The following ZNF512B variants were observed in gnomAD, a reference collection of about 807,000 sequenced individuals.
ZNF512B encodes the protein zinc finger protein 512B.
A neutral mutation model predicts 87.8 loss-of-function variants in ZNF512B; 22 were observed. The observed-to-expected ratio is 0.25, with a 90% CI of 0.18 to 0.36. The LOEUF is 0.36. Ranked by LOEUF, ZNF512B falls within the 10% of genes least tolerant of loss-of-function variation. The pLI, the probability that ZNF512B is intolerant of heterozygous loss-of-function variation, is 1.00. For synonymous variants in ZNF512B, 524 were observed against 490.9 expected (o/e 1.07, Z -0.89); for missense variants, 1,060 against 1,231.6 (o/e 0.86, Z 2.09).
Position 63,967,508 on chromosome 20 carries a change from C to T in ZNF512B, c.137G>A (p.Arg46His), listed in dbSNP as rs367567220. The T allele has an allele frequency of 6.9e-6, 11 of 1,604,090 alleles. No homozygotes were observed. The highest frequency in any genetic ancestry group is 3.3e-4 in the Middle Eastern group (2 of 6,018). ...CTGGCCGGGCACTGTCTGTCCACCA[C>T]GGACCACCGGCATCCCTGCAGCACA... ...DPPKMGMPVV[R>H]GGQTVPGQAP... The change falls in exon 3 of 17, where the codon CGT becomes CAT. Residue 46 changes from arginine (R) to histidine (H), a missense_variant. This residue lies in a region of ZNF512B where 134 missense variants were observed against 153.6 expected (regional missense o/e 0.87). Transcript: ENST00000369888.
Position 63,959,447 on chromosome 20 carries a change from G to A in ZNF512B, c.*441C>T, listed in dbSNP as rs959520634. The A allele has an allele frequency of 2.2e-5, 4 of 180,566 alleles. No homozygotes were observed. Among genetic ancestry groups the A allele is most frequent in the African/African-American group, 4.7e-5 (2 of 42,322 alleles). The allele number at this position is 180,566 out of a possible 1,614,324, so 11.2% of individuals were successfully genotyped here. A position where few individuals can be genotyped will look rare whatever the true frequency, so the allele number is the denominator to read the frequency against. ...GGTGAGGCCAGGATGGTGGCTGCCC[G>A]TGCCAGGTTGCTCAGGTGCCCTCAC... is the stretch of plus-strand genomic sequence containing the variant. On this transcript the variant is annotated 3_prime_UTR_variant, in exon 17 of 17. Coordinates refer to ENST00000369888, the MANE Select transcript of ZNF512B (RefSeq NM_020713.3).
chr20:63,964,390 T>G lies in ZNF512B; in HGVS notation c.1263A>C (p.Arg421Ser). The change falls in exon 7 of 17, where the codon AGA (arginine) becomes AGC (serine). Residue 421 changes from arginine (R) to serine (S), a missense_variant and splice_region_variant. By Grantham distance (110) the Arg-to-Ser change is moderately radical (BLOSUM62 -1). This residue lies in a region of ZNF512B where 212 missense variants were observed against 207.6 expected (regional missense o/e 1.02). Transcript: ENST00000369888. ...ACTTTTTGGGTGTTTTCTGTTTCCT[T>G]CCTGACTCGGGGAGAGAAAACGGGG... ...PEEDPERTKH[R>S]RKQKTPKKFT... The G allele has an allele frequency of 1.2e-6, 2 of 1,613,814 alleles. No individual in the cohort carries two copies. Among genetic ancestry groups the G allele is most frequent in the Non-Finnish European group, 8.5e-7 (1 of 1,179,878 alleles).
chr20:63,966,859 G>A lies in ZNF512B; in HGVS notation c.393+17C>T, dbSNP rs531866998. ...CACACCCCGAGGCCTCCTCTCCCCC[G>A]ACCCACAGTCCCTTACCCCTTGGCA... is the stretch of plus-strand genomic sequence containing the variant. On this transcript the variant is annotated intron_variant, in intron 4 of 16. Transcript: ENST00000369888. 7.4e-6 allele frequency: 12 copies of A among 1,613,598 alleles called. No homozygotes were observed. The East Asian group carries it at 8.9e-5, about 12-fold the overall frequency.
At chr20:63,968,626 G>A (rs753672271) in intron 1 of ZNF512B, among the ~76,000 whole-genome samples, 17 of 152,338 alleles carry the variant, frequency 1.1e-4, no homozygotes, top group Non-Finnish European at 1.5e-4. Context: ...TCCCGTCCCT[G>A]TGCCGGCTGA....
chr20:63,963,567 G>C (rs1424420146), intron 10 of ZNF512B, 51 bp downstream of exon 10: 14 of 1,604,212 alleles, frequency 8.7e-6, no homozygotes, highest in Non-Finnish European at 1.1e-5. Flanking sequence ...GGTGAAGGTG[G>C]GGTGCGAGGT....
chr20:63,963,963 C>T lies in ZNF512B; in HGVS notation c.1481-50G>A, dbSNP rs113249719. 4.8e-5 allele frequency: 77 copies of T among 1,600,990 alleles called. No homozygotes were observed. In the African/African-American group the frequency reaches 8.5e-4, roughly 18 times the overall value. Reference sequence around the variant, plus strand: ...AGGCTTGTGGGGGCTGCTGGGTGGCCCAGACGCCAGGCACAGAATCCAGTC... The same window carrying T: ...AGGCTTGTGGGGGCTGCTGGGTGGCTCAGACGCCAGGCACAGAATCCAGTC... On this transcript the variant is annotated intron_variant, in intron 8 of 16. Transcript: ENST00000369888.
chr20:63,960,468 G>A (rs2058838169), intron 16 of ZNF512B, among the ~76,000 whole-genome samples: 1 of 148,522 alleles, frequency 6.7e-6, no homozygotes, highest in African/African-American at 2.5e-5. Flanking sequence ...CCTGCAGCAG[G>A]GGGCTGGACA....
At position 63,961,276 on chromosome 20, in the gene ZNF512B, C is replaced by T. The variant is rs761125398; in HGVS notation, c.2427+33G>A. On this transcript the variant is annotated intron_variant, in intron 16 of 16. Coordinates refer to ENST00000369888, the MANE Select transcript of ZNF512B (RefSeq NM_020713.3). The surrounding 1 kb of genome is among the most constrained non-coding windows in gnomAD (Gnocchi z 6.4). ...AGCCCTGTCCCCTCCTGGGCTAGCC[C>T]CCAGCCACAGGCCCTGGTGATGGCC... 4 of 1,605,050 alleles carry T rather than the reference C, an allele frequency of 2.5e-6. No homozygotes were observed. The Admixed American group carries it at 6.7e-5, about 27-fold the overall frequency.
chr20:63,964,211 A>C lies in ZNF512B; in HGVS notation c.1340T>G (p.Val447Gly). 2 of 1,603,542 alleles carry C rather than the reference A, an allele frequency of 1.2e-6. No individual in the cohort carries two copies. Among genetic ancestry groups the C allele is most frequent in the South Asian group, 1.1e-5 (1 of 89,848 alleles). ...AACTCGGGCCTTGTCCTCAGCTTTG[A>C]CCAGGCCTGTGTGCACACATGGGGT... is the stretch of plus-strand genomic sequence containing the variant. ...ISGTFGLKGLVKAEDKARVHR... is the reference protein window; with the variant it reads ...ISGTFGLKGLGKAEDKARVHR... Residue 447 changes from valine (V) to glycine (G), a missense_variant, in exon 8 of 17, where the codon GTC becomes GGC. By Grantham distance (109) the Val-to-Gly change is moderately radical. Transcript: ENST00000369888.
chr20:63,967,251 C>T, intron 3 of ZNF512B, 130 bp downstream of exon 3: 2 of 1,409,228 alleles, frequency 1.4e-6, no homozygotes, highest in Non-Finnish European at 1.9e-6. Context: ...CACGTGAAGT[C>T]TGCCAGGCCA....
intron 5 of ZNF512B, among the ~76,000 whole-genome samples, 169 bp downstream of exon 5, chr20:63,965,972 C>T (rs1380900431): frequency 3.3e-5 from 2 of 59,898 alleles, no homozygotes; most frequent in East Asian, 2.5e-4. Context: ...TTTCTCACCA[C>T]TGTTCCTCCC....
chr20:63,961,447 G>T lies in ZNF512B; in HGVS notation c.2329-40C>A. 6.3e-7 allele frequency: 1 copy of T among 1,580,538 alleles called. No homozygotes were observed. Among genetic ancestry groups the T allele is most frequent in the South Asian group, 1.1e-5 (1 of 90,558 alleles). On this transcript the variant is annotated intron_variant, in intron 15 of 16. Coordinates refer to ENST00000369888, the MANE Select transcript of ZNF512B (RefSeq NM_020713.3). This position sits in a 1 kb window ranked among gnomAD's most constrained non-coding sequence, Gnocchi z 6.4. ...CAGGCCAGTGCCCCAGCCCTTGGAGGACCCAGATCTGTCCTAAGCCCCTAC... is the reference window on the plus strand; with the variant it reads ...CAGGCCAGTGCCCCAGCCCTTGGAGTACCCAGATCTGTCCTAAGCCCCTAC...
Position 63,964,330 on chromosome 20 carries a change from A to G in ZNF512B, c.1323T>C (p.Phe441=). The G allele has an allele frequency of 6.2e-7, 1 of 1,613,882 alleles. No individual in the cohort carries two copies. The highest frequency in any genetic ancestry group is 8.5e-7 in the Non-Finnish European group (1 of 1,179,936). The change falls in exon 7 of 17, where the codon TTT becomes TTC. Residue 441 remains phenylalanine (F), a synonymous_variant. Transcript: ENST00000369888. ...GGGCTGGGGTCTTACCTTTGAGCCC[A>G]AAGGTCCCTGAGATGGATGGCTGCT... ...TGEQPSISGT[F]GLKGLVKAED...
At position 63,968,226 on chromosome 20, in the gene ZNF512B, C is replaced by G. The variant is rs530234582; in HGVS notation, c.-2-274G>C. On this transcript the variant is annotated intron_variant, in intron 1 of 16. Transcript: ENST00000369888. ...GAGACCCTCACCAACTTCCAGACCCCCTTCCCAACACGCAGCTCTACAGTG... is the reference window on the plus strand; with the variant it reads ...GAGACCCTCACCAACTTCCAGACCCGCTTCCCAACACGCAGCTCTACAGTG... Among the ~76,000 whole-genome samples the G allele has an allele frequency of 5.0e-4, 76 of 152,338 alleles. 1 individual carries two copies. The South Asian group carries it at 0.014, about 29-fold the overall frequency.
At chr20:63,968,574 G>C (rs2122890796) in intron 1 of ZNF512B, among the ~76,000 whole-genome samples, 1 of 152,336 alleles carries the variant, frequency 6.6e-6, no homozygotes, top group South Asian at 2.1e-4. Context: ...CAGCCAAGGT[G>C]GGCACTGAGG....
Position 63,966,287 on chromosome 20 carries a change from G to C in ZNF512B, c.888C>G (p.Val296=). The C allele has an allele frequency of 6.2e-7, 1 of 1,612,766 alleles. No individual in the cohort carries two copies. The highest frequency in any genetic ancestry group is 8.5e-7 in the Non-Finnish European group (1 of 1,179,294). ...KPVPVTKPVT[V]SRPIVVSKPV... ...GCTTGCTGACCACAATGGGCCTGCT[G>C]ACTGTCACTGGCTTGGTGACCGGCA... Residue 296 remains valine, a synonymous_variant, in exon 5 of 17, where the codon GTC becomes GTG. Coordinates refer to ENST00000369888, the MANE Select transcript of ZNF512B (RefSeq NM_020713.3).
rs2058733319 is a variant in ZNF512B at position 63,957,030 on chromosome 20, T to C, written c.*2858A>G. ...CCCGGCCGCGAGGCAGGGGAAAGCC[T>C]GGGGCCCCAGACCCGGGCCTGGGGG... is the stretch of plus-strand genomic sequence containing the variant. On this transcript the variant is annotated 3_prime_UTR_variant, in exon 17 of 17. Transcript: ENST00000369888. 6.6e-6 allele frequency: 1 copy of C among 152,330 alleles called. No individual in the cohort carries two copies. The allele number at this position is 152,330 out of a possible 1,614,324, so 9.4% of individuals were successfully genotyped here. A position where few individuals can be genotyped will look rare whatever the true frequency, so the allele number is the denominator to read the frequency against.
Position 63,962,353 on chromosome 20 carries a change from G to A in ZNF512B, c.2185C>T (p.Leu729Phe). The change falls in exon 14 of 17, where the codon CTC becomes TTC. Residue 729 changes from leucine to phenylalanine, a missense_variant. Leu to Phe is a conservative substitution (Grantham distance 22, BLOSUM62 0). Around this residue, in one of 9 missense-constraint regions of ZNF512B, gnomAD observed 253 missense variants for 259.2 expected, o/e 0.98. Transcript: ENST00000369888. Reference protein sequence around the residue: ...TARLNYTRPGLPTLNPQLLEA... With the variant: ...TARLNYTRPGFPTLNPQLLEA... ...AGCAGCTGGGGGTTCAGCGTGGGGA[G>A]CCCTGGTCGAGTGTAGTTGAGCTGT... 6.2e-7 allele frequency: 1 copy of A among 1,612,586 alleles called. No individual in the cohort carries two copies. The highest frequency in any genetic ancestry group is 1.1e-5 in the South Asian group (1 of 91,068).
Position 63,966,261 on chromosome 20 carries a change from G to A in ZNF512B, c.914C>T (p.Pro305Leu), listed in dbSNP as rs1414142381. The part of the protein sequence containing the change: ...TVSRPIVVSK[P>L]VTVSRPIAIS... Reference sequence around the variant, plus strand: ...AGCAATGGGCCTGCTGACTGTCACCGGCTTGCTGACCACAATGGGCCTGCT... The same window carrying A: ...AGCAATGGGCCTGCTGACTGTCACCAGCTTGCTGACCACAATGGGCCTGCT... The change falls in exon 5 of 17, where the codon CCG becomes CTG. Residue 305 changes from proline to leucine, a missense_variant. By Grantham distance (98) the Pro-to-Leu change is moderately conservative. Coordinates refer to ENST00000369888, the MANE Select transcript of ZNF512B (RefSeq NM_020713.3). 3.3e-5 allele frequency: 53 copies of A among 1,613,878 alleles called. No individual in the cohort carries two copies. The highest frequency in any genetic ancestry group is 5.0e-5 in the Admixed American group (3 of 60,004).
Sources: allele counts gnomAD v4.1 joint callset (sites outside exome capture counted in the v4.1 genomes callset), GRCh38; gene constraint gnomAD v4.1.1; regional missense constraint gnomAD v4.1.1; non-coding constraint Gnocchi (gnomAD v3.1); transcripts MANE v1.5; gene names NCBI Gene and HGNC (gene_info 2026-07-23, HGNC 2026-07-21).